TTC27: variants seen among roughly 807,000 people sequenced by gnomAD.
The protein encoded by TTC27 is tetratricopeptide repeat domain 27.
TTC27 carries 79 observed loss-of-function variants against 115.9 expected under a neutral mutation model. That is an observed-to-expected ratio of 0.68 (90% CI 0.57 to 0.82). TTC27 has a LOEUF of 0.82. Ranked by LOEUF, TTC27 falls within the 40% of genes least tolerant of loss-of-function variation. TTC27 has a pLI of 0.00. For synonymous variants in TTC27, 401 were observed against 356.0 expected, an observed-to-expected ratio of 1.13 and a Z score of -1.42; for missense variants, 1,054 against 993.1, an observed-to-expected ratio of 1.06 and a Z score of -0.82.
At position 32,812,603 on chromosome 2, in the gene TTC27, G is replaced by A. The variant is rs765644726; in HGVS notation, c.2296G>A (p.Gly766Arg). Residue 766 changes from glycine to arginine, a missense_variant, in exon 18 of 20, where the codon GGA (glycine) becomes AGA (arginine). Physicochemically the swap from Gly to Arg is moderately radical, Grantham distance 125. Transcript: ENST00000317907. The part of the protein sequence containing the change: ...SFKEVVQRAL[G>R]LAHVAIKCSK... ...TAAGGAAGTTGTTCAAAGAGCCTTA[G>A]GACTTGCACATGGTATTTGATGTAA... 1 of 1,612,076 alleles carries A rather than the reference G, an allele frequency of 6.2e-7. No individual in the cohort carries two copies. The highest frequency in any genetic ancestry group is 1.1e-5 in the South Asian group (1 of 91,012).
intron 15 of TTC27, 24 bp from the exon 16 acceptor site, chr2:32,786,960 T>C (rs1253791466): frequency 3.8e-6 from 6 of 1,585,750 alleles, no homozygotes; most frequent in South Asian, 3.5e-5. Flanking sequence ...ATTATTGCTC[T>C]CTTTAAAATT....
At chr2:32,685,483 A>G (rs567452604) in intron 9 of TTC27, among the ~76,000 whole-genome samples, 1 of 152,302 alleles carries the variant, frequency 6.6e-6, no homozygotes, top group South Asian at 2.1e-4. Context: ...CATTGTCAAC[A>G]ACTATAAAAT....
At chr2:32,709,927 GTTTA>G (rs1667517948) in intron 10 of TTC27, among the ~76,000 whole-genome samples, 1 of 152,180 alleles carries the variant, frequency 6.6e-6, no homozygotes, top group Non-Finnish European at 1.5e-5. Flanking sequence ...CTAAAATATA[GTTTA>G]TTTAAGGAAA....
Position 32,628,098 on chromosome 2 carries a change from G to T in TTC27, c.-195G>T. On this transcript the variant is annotated 5_prime_UTR_variant, in exon 1 of 20. Transcript: ENST00000317907. Reference sequence around the variant, plus strand: ...CAGAGAGCGTGCGTGTTTTTCCCAGGGTGCCCCGCGCTGCTGTTATGGCCG... The same window carrying T: ...CAGAGAGCGTGCGTGTTTTTCCCAGTGTGCCCCGCGCTGCTGTTATGGCCG... The T allele has an allele frequency of 1.8e-6, 1 of 560,900 alleles. No individual in the cohort carries two copies. Among genetic ancestry groups the T allele is most frequent in the East Asian group, 3.3e-5 (1 of 30,058 alleles). The allele number at this position is 560,900 out of a possible 1,614,324, so 34.7% of individuals were successfully genotyped here. A position where few individuals can be genotyped will look rare whatever the true frequency, so the allele number is the denominator to read the frequency against.
Position 32,678,865 on chromosome 2 carries a change from T to C in TTC27, c.1062T>C (p.Phe354=), listed in dbSNP as rs182744982. ...TTTTCTTAATTTAAAGCACTAATTT[T>C]CAAAAGAATAACCCAGTGCACACAT... ...IAIILGICTN[F]QKNNPVHTLT... The change falls in exon 9 of 20, where the codon TTT becomes TTC. Residue 354 remains phenylalanine, a synonymous_variant. Coordinates refer to ENST00000317907, the MANE Select transcript of TTC27 (RefSeq NM_017735.5). The C allele has an allele frequency of 2.9e-5, 47 of 1,610,112 alleles. No homozygotes were observed. Among genetic ancestry groups the C allele is most frequent in the Non-Finnish European group, 3.8e-5 (45 of 1,177,928 alleles).
At chr2:32,652,228 G>C (rs1429540702) in intron 5 of TTC27, among the ~76,000 whole-genome samples, 1 of 152,096 alleles carries the variant, frequency 6.6e-6, no homozygotes, top group African/African-American at 2.4e-5. Flanking sequence ...AAAATTAGCT[G>C]GGCATGGTGG....
chr2:32,651,363 T>C (rs1454894174), intron 5 of TTC27, among the ~76,000 whole-genome samples: 3 of 152,192 alleles, frequency 2.0e-5, no homozygotes, highest in Non-Finnish European at 4.4e-5. Context: ...AGAGTTATTT[T>C]TGAGACAGAG....
At chr2:32,759,958 T>C (rs1304021943) in intron 13 of TTC27, among the ~76,000 whole-genome samples, 3 of 152,262 alleles carry the variant, frequency 2.0e-5, no homozygotes, top group African/African-American at 7.2e-5. Flanking sequence ...TATTCCATTT[T>C]ATGTACATAC....
At chr2:32,786,175 G>T (rs975691879) in intron 15 of TTC27, among the ~76,000 whole-genome samples, 3 of 151,920 alleles carry the variant, frequency 2.0e-5, no homozygotes, top group African/African-American at 7.3e-5. Context: ...AGGCTGGAGT[G>T]CAGGGGTGTG....
chr2:32,638,707 A>G (rs1278590463), intron 3 of TTC27, among the ~76,000 whole-genome samples: 1 of 151,974 alleles, frequency 6.6e-6, no homozygotes, highest in Admixed American at 6.6e-5. Context: ...AATACTTTAA[A>G]CAATATTCAA....
Position 32,811,070 on chromosome 2 carries a change from G to C in TTC27, c.2045G>C (p.Arg682Pro). The change falls in exon 17 of 20, where the codon CGA becomes CCA. Residue 682 changes from arginine (R) to proline (P), a missense_variant. Arg to Pro is a moderately radical substitution (Grantham distance 103, BLOSUM62 -2). Transcript: ENST00000317907. ...GCAGTGATTGATGGGATGACTGATC[G>C]AAGTGGAGATGTTGCAACTGGCCTC... The part of the protein sequence containing the change: ...VRAVIDGMTD[R>P]SGDVATGLKG... 6.2e-7 allele frequency: 1 copy of C among 1,614,100 alleles called. No homozygotes were observed. Among genetic ancestry groups the C allele is most frequent in the Non-Finnish European group, 8.5e-7 (1 of 1,180,002 alleles).
intron 10 of TTC27, among the ~76,000 whole-genome samples, chr2:32,717,603 G>C (rs1293058399): frequency 6.6e-6 from 1 of 152,024 alleles, no homozygotes; most frequent in Non-Finnish European, 1.5e-5. Context: ...AACAAATGTA[G>C]TTAAATTTGT....
intron 16 of TTC27, among the ~76,000 whole-genome samples, chr2:32,809,579 A>C (rs1417595769): frequency 6.6e-6 from 1 of 152,210 alleles, no homozygotes; most frequent in Non-Finnish European, 1.5e-5. Flanking sequence ...CTGTCGGTCC[A>C]TGGACTGCAC....
At chr2:32,711,116 C>CAAAAAAAAAAAAAAAAAA (rs34140897) in intron 10 of TTC27, among the ~76,000 whole-genome samples, 2 of 59,934 alleles carry the variant, frequency 3.3e-5, no homozygotes, top group African/African-American at 6.3e-5. Flanking sequence ...GACTCTGTCT[C>CAAAAAAAAAAAAAAAAAA]AAAAAAAAAA....
At chr2:32,674,190 G>T (rs545409545) in intron 8 of TTC27, among the ~76,000 whole-genome samples, 1,822 of 146,952 alleles carry the variant, frequency 0.012, 25 homozygotes, top group Non-Finnish European at 0.019. Flanking sequence ...TTGCACTGTC[G>T]CCCAGGCTGG....
At chr2:32,665,813 C>G (rs1166948780) in intron 6 of TTC27, among the ~76,000 whole-genome samples, 4 of 152,128 alleles carry the variant, frequency 2.6e-5, no homozygotes, top group Non-Finnish European at 5.9e-5. Flanking sequence ...TTTGCTTGAA[C>G]CAGGGAGTCG....
At chr2:32,711,367 TAGTC>T (rs1195995714) in intron 10 of TTC27, among the ~76,000 whole-genome samples, 2 of 152,188 alleles carry the variant, frequency 1.3e-5, no homozygotes, top group African/African-American at 4.8e-5. Flanking sequence ...TCTTGGAAAT[TAGTC>T]AGATCATGTG....
At chr2:32,751,318 A>G (rs1422616296) in intron 12 of TTC27, among the ~76,000 whole-genome samples, 1 of 151,720 alleles carries the variant, frequency 6.6e-6, no homozygotes, top group Non-Finnish European at 1.5e-5. Context: ...ACACATATAC[A>G]CAAGTTTTTG....
At chr2:32,806,438 AT>A (rs1427562545) in intron 16 of TTC27, among the ~76,000 whole-genome samples, 1 of 152,190 alleles carries the variant, frequency 6.6e-6, no homozygotes, top group Non-Finnish European at 1.5e-5. Context: ...GTCAGTCTGG[AT>A]AACCAGAATT....
Sources: allele counts gnomAD v4.1 joint callset (sites outside exome capture counted in the v4.1 genomes callset), GRCh38; gene constraint gnomAD v4.1.1; transcripts MANE v1.5; gene names NCBI Gene and HGNC (gene_info 2026-07-23, HGNC 2026-07-21).